Variants in KIAA0825 observed in about 807,000 individuals in gnomAD.
KIAA0825 encodes the protein KIAA0825.
In KIAA0825, 119 loss-of-function variants were observed where a neutral mutation model predicts 147.6. The observed-to-expected ratio is 0.81, with a 90% CI of 0.69 to 0.94. The LOEUF (loss-of-function observed/expected upper bound fraction) is 0.94. Among genes scored for constraint, KIAA0825 ranks in the 40% least tolerant of loss-of-function variants. The pLI is 0.00. For missense variants in KIAA0825, 1,381 were observed against 1,472.7 expected, an observed-to-expected ratio of 0.94 and a Z score of 1.02; for synonymous variants, 470 against 518.1, an observed-to-expected ratio of 0.91 and a Z score of 1.26.
chr5:94,526,567 G>C lies in KIAA0825; in HGVS notation c.132-2469C>G, dbSNP rs142734607. The stretch of plus-strand genomic sequence containing the variant: ...TGTATGCAAGTGGATGCATTACTGA[G>C]AGGCTGTGTATAAATCAATTTATAA... On this transcript the variant is annotated intron_variant, in intron 3 of 20. Coordinates refer to ENST00000682413, the MANE Select transcript of KIAA0825 (RefSeq NM_001145678.3). Among the ~76,000 whole-genome samples the C allele has an allele frequency of 1.4e-4, 22 of 152,022 alleles. No homozygotes were observed. In the East Asian group the frequency reaches 4.2e-3, roughly 29 times the overall value.
intron 12 of KIAA0825, among the ~76,000 whole-genome samples, chr5:94,457,816 G>C (rs1279532596): frequency 6.6e-6 from 1 of 152,116 alleles, no homozygotes; most frequent in Admixed American, 6.6e-5. Flanking sequence ...CAGGAGAAAC[G>C]GGTCTCATAA....
intron 1 of KIAA0825, among the ~76,000 whole-genome samples, chr5:94,586,702 A>G (rs920347037): frequency 6.6e-6 from 1 of 152,248 alleles, no homozygotes; most frequent in African/African-American, 2.4e-5. Flanking sequence ...TGAGGTCAGC[A>G]TCATCCTGAT....
chr5:94,473,256 GC>G, intron 8 of KIAA0825, 35 bp downstream of exon 8: 1 of 1,473,154 alleles, frequency 6.8e-7, no homozygotes, highest in Non-Finnish European at 9.3e-7. Context: ...ATCCCATCAT[GC>G]CAGTCAGCAG....
intron 20 of KIAA0825, among the ~76,000 whole-genome samples, chr5:94,381,326 T>C (rs959443217): frequency 6.6e-6 from 1 of 152,142 alleles, no homozygotes; most frequent in African/African-American, 2.4e-5. Context: ...TCTGTGTCTG[T>C]GGGTTCTGCA....
intron 1 of KIAA0825, among the ~76,000 whole-genome samples, chr5:94,599,921 T>C (rs980043729): frequency 1.3e-5 from 2 of 152,172 alleles, no homozygotes. Context: ...AGATCAATAC[T>C]GTCATGTGTT....
chr5:94,580,201 A>G (rs572957339), intron 2 of KIAA0825, among the ~76,000 whole-genome samples: 105 of 152,304 alleles, frequency 6.9e-4, no homozygotes, highest in African/African-American at 2.5e-3. Flanking sequence ...TTACCCAGTC[A>G]TTGATTAAAA....
chr5:94,536,214 G>A (rs373080599), intron 3 of KIAA0825, among the ~76,000 whole-genome samples: 1 of 152,014 alleles, frequency 6.6e-6, no homozygotes, highest in East Asian at 1.9e-4. Context: ...CTCACGTAAA[G>A]CAGAAGGAAA....
chr5:94,152,856 TTATATATATATATATATA>T lies in KIAA0825; in HGVS notation c.*1133_*1150del, dbSNP rs1175360792. 1.8e-3 allele frequency: 5 copies of T among 2,770 alleles called. No homozygotes were observed. The highest frequency in any genetic ancestry group is 0.015 in the Admixed American group (2 of 130). The allele number at this position is 2,770 out of a possible 1,614,324, so 0.2% of individuals were successfully genotyped here. ...AAAAAAAAAAAAAAAAAAAAAAAAA[TTATATATATATATATATA>T]TATATATATATATATATATATATAT... is the stretch of plus-strand genomic sequence containing the variant. On this transcript the variant is annotated 3_prime_UTR_variant, in exon 21 of 21. Transcript: ENST00000682413.
intron 20 of KIAA0825, among the ~76,000 whole-genome samples, chr5:94,285,010 G>A (rs1777610026): frequency 6.6e-6 from 1 of 151,936 alleles, no homozygotes; most frequent in Non-Finnish European, 1.5e-5. Context: ...CATATTCAGG[G>A]GCTGCTCGAT....
chr5:94,371,814 G>C (rs1269454333), intron 20 of KIAA0825, among the ~76,000 whole-genome samples: 2 of 152,138 alleles, frequency 1.3e-5, no homozygotes, highest in African/African-American at 4.8e-5. Flanking sequence ...GTCCATTAAA[G>C]TCTTAATTCA....
chr5:94,599,222 T>A (rs968279741), intron 1 of KIAA0825, among the ~76,000 whole-genome samples: 7 of 152,116 alleles, frequency 4.6e-5, no homozygotes, highest in African/African-American at 1.7e-4. Flanking sequence ...ATTTCCCTGA[T>A]GACTAGTGGT....
At chr5:94,327,715 C>T (rs911429930) in intron 20 of KIAA0825, among the ~76,000 whole-genome samples, 1 of 152,046 alleles carries the variant, frequency 6.6e-6, no homozygotes, top group African/African-American at 2.4e-5. Context: ...GAGTAAAGAA[C>T]TCATGTTTTT....
In KIAA0825 at chr5:94,191,073, T is replaced by G. The variant is rs1770637011; in HGVS notation, c.3711-36949A>C. On this transcript the variant is annotated intron_variant, in intron 20 of 20. Transcript: ENST00000682413. The stretch of plus-strand genomic sequence containing the variant: ...GACATTATGTTACAAAGTTGACAAC[T>G]CAATATTAAATTCCATTAAATGAAT... 2.6e-5 allele frequency among the ~76,000 whole-genome samples: 4 copies of G among 152,302 alleles called. No individual in the cohort carries two copies. In the South Asian group the frequency reaches 8.3e-4, roughly 32 times the overall value.
chr5:94,235,833 C>A (rs2150094299), intron 20 of KIAA0825, among the ~76,000 whole-genome samples: 1 of 152,270 alleles, frequency 6.6e-6, no homozygotes, highest in Admixed American at 6.5e-5. Context: ...TGTGCTTGTG[C>A]TCTATAAATG....
Position 94,210,384 on chromosome 5 carries a change from A to G in KIAA0825, c.3711-56260T>C, listed in dbSNP as rs114195572. ...TCCTTATAACATAATGATGCTGCAT[A>G]CCTTTAAGCTGATAAGCATGTTCCA... On this transcript the variant is annotated intron_variant, in intron 20 of 20. Transcript: ENST00000682413. Among the ~76,000 whole-genome samples, 496 of 152,280 alleles carry G rather than the reference A, an allele frequency of 3.3e-3. 6 individuals are homozygous for G. Among genetic ancestry groups the G allele is most frequent in the African/African-American group, 0.011 (455 of 41,564 alleles).
chr5:94,429,529 C>T (rs1021768434), intron 14 of KIAA0825, among the ~76,000 whole-genome samples: 4 of 152,186 alleles, frequency 2.6e-5, no homozygotes, highest in Non-Finnish European at 5.9e-5. Flanking sequence ...ATAGATGGCA[C>T]TTACAGGCAA....
intron 20 of KIAA0825, among the ~76,000 whole-genome samples, chr5:94,167,557 T>C (rs1447606566): frequency 1.3e-5 from 2 of 152,206 alleles, no homozygotes; most frequent in Non-Finnish European, 2.9e-5. Flanking sequence ...TTATTTCTAC[T>C]TCACTTTAGT....
chr5:94,381,154 A>C (rs1748353144), intron 20 of KIAA0825, among the ~76,000 whole-genome samples: 1 of 152,062 alleles, frequency 6.6e-6, no homozygotes, highest in Non-Finnish European at 1.5e-5. Context: ...TCTGATCCTC[A>C]CTAGTGGTTT....
rs1179311015 is a variant in KIAA0825 at position 94,152,821 on chromosome 5, GAAAAAAAAAAAAAAAAA to G, written c.*1169_*1185del. ...CAGAGCAAGACCCTGTTTCTAAAAT[GAAAAAAAAAAAAAAAAA>G]AAAAAAAAAAAAAAAAATTATATAT... On this transcript the variant is annotated 3_prime_UTR_variant, in exon 21 of 21. Transcript: ENST00000682413. 2.0e-3 allele frequency: 4 copies of G among 2,000 alleles called. No individual in the cohort carries two copies. The highest frequency in any genetic ancestry group is 0.062 in the South Asian group (2 of 32). 0.1% of individuals were successfully genotyped at this position (2,000 alleles called of 1,614,324 possible).
Sources: gnomAD v4.1 joint callset for allele counts (sites outside exome capture counted in the v4.1 genomes callset) on GRCh38, gnomAD v4.1.1 for gene constraint, MANE v1.5 for transcripts, NCBI Gene and HGNC (gene_info 2026-07-23, HGNC 2026-07-21) for gene names.